SOX5: variants seen among roughly 807,000 people sequenced by gnomAD.
SOX5 encodes the protein transcription factor SOX-5.
A neutral mutation model predicts 92.0 loss-of-function variants in SOX5; 9 were observed. The ratio of observed to expected loss-of-function variants is 0.10; its 90% CI spans 0.06 to 0.17. The LOEUF (loss-of-function observed/expected upper bound fraction) is 0.17, where lower values mean the gene tolerates loss of function less well. Ranked by LOEUF, SOX5 falls within the 10% of genes least tolerant of loss-of-function variation. SOX5 has a pLI of 1.00. For synonymous variants in SOX5, 344 were observed against 336.3 expected, an observed-to-expected ratio of 1.02 and a Z score of -0.25; for missense variants, 642 against 944.5, an observed-to-expected ratio of 0.68 and a Z score of 4.20.
intron 4 of SOX5, among the ~76,000 whole-genome samples, chr12:23,958,676 A>G (rs1486673085): frequency 6.6e-6 from 1 of 151,326 alleles, no homozygotes; most frequent in Admixed American, 6.6e-5. Flanking sequence ...AAAATATACA[A>G]TAAAATTATA....
chr12:24,014,807 T>C (rs960572317), intron 4 of SOX5, among the ~76,000 whole-genome samples: 2 of 152,174 alleles, frequency 1.3e-5, no homozygotes, highest in Admixed American at 6.5e-5. Flanking sequence ...ATTCACAATC[T>C]GGGGGCCTTG....
intron 3 of SOX5, among the ~76,000 whole-genome samples, chr12:23,774,057 C>G (rs2095024917): frequency 6.6e-6 from 1 of 151,988 alleles, no homozygotes; most frequent in Non-Finnish European, 1.5e-5. Flanking sequence ...ACTCGCCTTA[C>G]AGAGAGAAAA....
At chr12:24,443,770 G>C (rs1470989045) in intron 1 of SOX5, among the ~76,000 whole-genome samples, 1 of 152,232 alleles carries the variant, frequency 6.6e-6, no homozygotes, top group Non-Finnish European at 1.5e-5. Flanking sequence ...AACAGGTTGA[G>C]ACTTGAGTTT....
chr12:24,261,646 A>G (rs929014814), intron 3 of SOX5, among the ~76,000 whole-genome samples: 2 of 152,222 alleles, frequency 1.3e-5, no homozygotes, highest in Non-Finnish European at 2.9e-5. Flanking sequence ...GTGGAATTTA[A>G]TGACCTGAAA....
At chr12:24,457,286 C>T (rs1943125175) in intron 1 of SOX5, among the ~76,000 whole-genome samples, 1 of 152,062 alleles carries the variant, frequency 6.6e-6, no homozygotes, top group South Asian at 2.1e-4. Context: ...GTATTTTTTA[C>T]CTTAACCTGA....
chr12:24,369,399 A>G (rs187310381), intron 1 of SOX5, among the ~76,000 whole-genome samples: 1 of 152,296 alleles, frequency 6.6e-6, no homozygotes, highest in Non-Finnish European at 1.5e-5. Flanking sequence ...GTTGGAAACT[A>G]AAGGTCAGCC....
intron 3 of SOX5, among the ~76,000 whole-genome samples, chr12:23,767,541 G>T (rs185619773): frequency 1.3e-5 from 2 of 152,258 alleles, no homozygotes; most frequent in Non-Finnish European, 2.9e-5. Context: ...ATCCTGGAAA[G>T]GGTGGTATGG....
At chr12:23,578,618 C>T (rs1437322046) in intron 9 of SOX5, among the ~76,000 whole-genome samples, 2 of 152,004 alleles carry the variant, frequency 1.3e-5, no homozygotes, top group Non-Finnish European at 2.9e-5. Flanking sequence ...AATGGAAACA[C>T]TCATATGCAT....
intron 12 of SOX5, among the ~76,000 whole-genome samples, chr12:23,544,248 C>T (rs568714963): frequency 1.3e-5 from 2 of 152,294 alleles, no homozygotes; most frequent in South Asian, 2.1e-4. Context: ...GCATTCACTC[C>T]TCCAGCCTTA....
At chr12:24,261,216 T>G (rs1476253805) in intron 3 of SOX5, among the ~76,000 whole-genome samples, 1 of 152,166 alleles carries the variant, frequency 6.6e-6, no homozygotes, top group African/African-American at 2.4e-5. Flanking sequence ...AAACTCTCTT[T>G]TCATACTTTC....
chr12:24,088,199 T>C (rs147697990), intron 4 of SOX5, among the ~76,000 whole-genome samples: 2 of 152,254 alleles, frequency 1.3e-5, no homozygotes, highest in Admixed American at 1.3e-4. Flanking sequence ...TATTGATTGA[T>C]ATTACATATT....
intron 8 of SOX5, among the ~76,000 whole-genome samples, chr12:23,639,064 T>C (rs573841075): frequency 1.3e-5 from 2 of 152,244 alleles, no homozygotes; most frequent in South Asian, 4.1e-4. Context: ...AAAGGAACTT[T>C]ATCCCATTTA....
chr12:23,626,962 T>C (rs189320236), intron 8 of SOX5, among the ~76,000 whole-genome samples: 14 of 152,294 alleles, frequency 9.2e-5, no homozygotes, highest in Admixed American at 9.1e-4. Context: ...ACACCGGGCA[T>C]AAATGCGTTA....
At chr12:23,811,364 C>T (rs1190266124) in intron 3 of SOX5, among the ~76,000 whole-genome samples, 1 of 152,076 alleles carries the variant, frequency 6.6e-6, no homozygotes, top group Non-Finnish European at 1.5e-5. Context: ...ATGAATTTTT[C>T]AGCAGACATA....
chr12:23,842,583 G>A (rs1180771982), intron 3 of SOX5, among the ~76,000 whole-genome samples: 1 of 152,042 alleles, frequency 6.6e-6, no homozygotes, highest in South Asian at 2.1e-4. Context: ...TTGGAGATAT[G>A]GATGATTCTA....
At chr12:24,062,996 G>A (rs1410734473) in intron 4 of SOX5, among the ~76,000 whole-genome samples, 3 of 152,174 alleles carry the variant, frequency 2.0e-5, no homozygotes, top group Non-Finnish European at 4.4e-5. Context: ...ATTACCAAGT[G>A]CTTTATCAAC....
chr12:23,809,225 A>G (rs1355489774), intron 3 of SOX5, among the ~76,000 whole-genome samples: 4 of 152,106 alleles, frequency 2.6e-5, no homozygotes, highest in Non-Finnish European at 5.9e-5. Flanking sequence ...ATAAAACCTA[A>G]AAGAGGAACG....
chr12:23,783,772 T>C (rs1289034565), intron 3 of SOX5, among the ~76,000 whole-genome samples: 1 of 152,142 alleles, frequency 6.6e-6, no homozygotes, highest in Non-Finnish European at 1.5e-5. Flanking sequence ...AATGTTTAAT[T>C]GACATGGAAC....
intron 1 of SOX5, among the ~76,000 whole-genome samples, chr12:24,509,756 G>T (rs974651195): frequency 6.6e-6 from 1 of 152,184 alleles, no homozygotes; most frequent in Non-Finnish European, 1.5e-5. Context: ...TGGCTGTCAT[G>T]TTCTTGGCCC....
Sources: allele counts gnomAD v4.1 joint callset (sites outside exome capture counted in the v4.1 genomes callset), GRCh38; gene constraint gnomAD v4.1.1; transcripts MANE v1.5; gene names NCBI Gene and HGNC (gene_info 2026-07-23, HGNC 2026-07-21).